AFG3L2: variants seen among roughly 807,000 people sequenced by gnomAD.
AFG3L2 encodes the protein AFG3 like matrix AAA peptidase subunit 2.
Under a neutral mutation model 94.5 loss-of-function variants are expected in AFG3L2, and 54 were observed. The ratio of observed to expected loss-of-function variants is 0.57; its 90% confidence interval spans 0.46 to 0.72. The LOEUF is 0.72. Among genes scored for constraint, AFG3L2 ranks in the 30% least tolerant of loss-of-function variants. The probability of loss-of-function intolerance (pLI) is 0.00; values close to 1 mark genes in which losing one functional copy is unlikely to be tolerated. For synonymous variants in AFG3L2, 377 were observed against 365.5 expected (o/e 1.03, Z -0.36); for missense variants, 754 against 994.9 (o/e 0.76, Z 3.26).
chr18:12,363,801 C>G lies in AFG3L2; in HGVS notation c.608G>C (p.Gly203Ala). 1 of 1,612,812 alleles carries G rather than the reference C, an allele frequency of 6.2e-7. No individual in the cohort carries two copies. Among genetic ancestry groups the G allele is most frequent in the Non-Finnish European group, 8.5e-7 (1 of 1,179,596 alleles). Residue 203 changes from glycine to alanine, a missense_variant, in exon 6 of 17, where the codon GGA becomes GCA. Around this residue, in one of 4 missense-constraint regions of AFG3L2, gnomAD observed 130 missense variants for 175.1 expected, o/e 0.74. Transcript: ENST00000269143. ...KRFVRVTFTP[G>A]KTPVDGQYVW... ...ATTTACCCCATCAACAGGAGTTTTT[C>G]CTGGTGTAAAGGTCACTCGAACAAA...
At chr18:12,370,076 A>T (rs981497397) in intron 3 of AFG3L2, among the ~76,000 whole-genome samples, 58 of 151,178 alleles carry the variant, frequency 3.8e-4, no homozygotes, top group Non-Finnish European at 6.8e-4. Flanking sequence ...AAAAAAAAAA[A>T]AAGCAAGGAA....
At chr18:12,344,390 C>G (rs1908056867) in intron 13 of AFG3L2, 143 bp from the exon 14 acceptor site, 3 of 712,594 alleles carry the variant, frequency 4.2e-6, no homozygotes, top group South Asian at 1.5e-5. Flanking sequence ...AATTCCTAAT[C>G]AAGGCCAGGC....
intron 16 of AFG3L2, among the ~76,000 whole-genome samples, chr18:12,334,549 C>A (rs997445803): frequency 6.6e-6 from 1 of 152,134 alleles, no homozygotes; most frequent in Non-Finnish European, 1.5e-5. Context: ...GAGACCAAAC[C>A]GTTTATCACT....
chr18:12,342,857 C>A (rs898406425), intron 14 of AFG3L2: 2 of 152,216 alleles, frequency 1.3e-5, no homozygotes, highest in Admixed American at 6.5e-5. Context: ...TTCCACCCCA[C>A]TGGCCTGCGT....
chr18:12,370,767 C>CT, intron 3 of AFG3L2, 82 bp downstream of exon 3: 1 of 990,750 alleles, frequency 1.0e-6, no homozygotes, highest in Non-Finnish European at 1.6e-6. Flanking sequence ...CCTGATAACT[C>CT]TTTTCTTTGT....
chr18:12,355,671 A>C (rs191468694), intron 9 of AFG3L2, among the ~76,000 whole-genome samples: 3 of 147,578 alleles, frequency 2.0e-5, no homozygotes, highest in Non-Finnish European at 4.5e-5. Flanking sequence ...CCCGATTTAC[A>C]TATTTTTTTT....
rs548178793 is a variant in AFG3L2 at position 12,355,527 on chromosome 18, T to C, written c.1164+1167A>G. Among the ~76,000 whole-genome samples the C allele has an allele frequency of 1.6e-3, 244 of 152,306 alleles. 2 individuals are homozygous for C. The highest frequency in any genetic ancestry group is 8.5e-3 in the South Asian group (41 of 4,824). On this transcript the variant is annotated intron_variant, in intron 9 of 16. Coordinates refer to ENST00000269143, the MANE Select transcript of AFG3L2 (RefSeq NM_006796.3). Reference sequence around the variant, plus strand: ...AAAACAGTCTGGTGGTTCCTTAAAATGTTAAACATGGAGTTACCATTCAAA... The same window carrying C: ...AAAACAGTCTGGTGGTTCCTTAAAACGTTAAACATGGAGTTACCATTCAAA...
chr18:12,330,463 G>GT (rs1365981248), intron 16 of AFG3L2, among the ~76,000 whole-genome samples: 1 of 152,056 alleles, frequency 6.6e-6, no homozygotes, highest in Non-Finnish European at 1.5e-5. Context: ...TGATAAGAAT[G>GT]TATCTTTTTA....
intron 1 of AFG3L2, among the ~76,000 whole-genome samples, chr18:12,372,088 G>A (rs1294425116): frequency 6.6e-6 from 1 of 152,092 alleles, no homozygotes; most frequent in Non-Finnish European, 1.5e-5. Context: ...GGTGCATCAC[G>A]AGGTCAGGAG....
At chr18:12,335,636 C>A (rs1907718866) in intron 16 of AFG3L2, among the ~76,000 whole-genome samples, 1 of 152,214 alleles carries the variant, frequency 6.6e-6, no homozygotes, top group Non-Finnish European at 1.5e-5. Flanking sequence ...TCTACAGGGT[C>A]CACCACCTGC....
intron 13 of AFG3L2, 29 bp from the exon 14 acceptor site, chr18:12,344,276 G>A: frequency 6.4e-7 from 1 of 1,571,166 alleles, no homozygotes; most frequent in Non-Finnish European, 8.8e-7. Context: ...AAAAACCCAA[G>A]CCATTGTTAC....
chr18:12,370,982 G>A lies in AFG3L2; in HGVS notation c.215-56C>T, dbSNP rs191943275. On this transcript the variant is annotated intron_variant, in intron 2 of 16. Coordinates refer to ENST00000269143, the MANE Select transcript of AFG3L2 (RefSeq NM_006796.3). ...TCAAACTAAAATTCATCAGGTTTGT[G>A]TTCATTTTGTTTTCAAAGCAGCTGA... 34 of 1,148,696 alleles carry A rather than the reference G, an allele frequency of 3.0e-5. No homozygotes were observed. In the East Asian group the frequency reaches 8.6e-4, roughly 29 times the overall value. The allele number at this position is 1,148,696 out of a possible 1,614,324, so 71.2% of individuals were successfully genotyped here.
rs1424912905 is a variant in AFG3L2, at chr18:12,340,210, T to C, written c.1971A>G (p.Ala657=). Reference sequence around the variant, plus strand: ...TCTTTCATATACTCACTTGGGCATATGCACTCTGAGTTACTTTTCTCAAGT... The same window carrying C: ...TCTTTCATATACTCACTTGGGCATACGCACTCTGAGTTACTTTTCTCAAGT... ...QDDLRKVTQS[A]YAQIVQFGMN... is the part of the protein sequence containing the mutation. Residue 657 remains alanine (A), a synonymous_variant, in exon 15 of 17, where the codon GCA becomes GCG. Coordinates refer to ENST00000269143, the MANE Select transcript of AFG3L2 (RefSeq NM_006796.3). 2 of 1,613,720 alleles carry C rather than the reference T, an allele frequency of 1.2e-6. No homozygotes were observed. The highest frequency in any genetic ancestry group is 8.5e-7 in the Non-Finnish European group (1 of 1,179,700).
intron 16 of AFG3L2, among the ~76,000 whole-genome samples, chr18:12,330,532 C>T (rs1488886731): frequency 2.6e-5 from 4 of 152,126 alleles, no homozygotes; most frequent in Non-Finnish European, 5.9e-5. Flanking sequence ...AATCCCAGCA[C>T]TTTGGGAGGC....
chr18:12,360,220 C>G, intron 6 of AFG3L2, 169 bp from the exon 7 acceptor site: 5 of 667,944 alleles, frequency 7.5e-6, no homozygotes, highest in Non-Finnish European at 1.2e-5. Flanking sequence ...TTAAATGTCA[C>G]TCATTGAGAA....
chr18:12,363,153 G>C (rs200461338), intron 6 of AFG3L2, among the ~76,000 whole-genome samples: 150 of 152,288 alleles, frequency 9.8e-4, no homozygotes, highest in East Asian at 3.7e-3. Flanking sequence ...GTCCAGGCGG[G>C]ATGGCTAGAA....
At chr18:12,335,231 TC>T (rs1907702905) in intron 16 of AFG3L2, among the ~76,000 whole-genome samples, 1 of 152,196 alleles carries the variant, frequency 6.6e-6, no homozygotes, top group South Asian at 2.1e-4. Flanking sequence ...AGACCAGAAA[TC>T]ATCCCTCTGC....
intron 14 of AFG3L2, chr18:12,342,212 ATATCCT>A (rs1192681242): frequency 6.6e-6 from 1 of 152,194 alleles, no homozygotes; most frequent in Non-Finnish European, 1.5e-5. Flanking sequence ...CAACTGCTCC[ATATCCT>A]TATCAACAAT....
intron 5 of AFG3L2, among the ~76,000 whole-genome samples, chr18:12,366,601 T>C (rs1306981311): frequency 2.3e-4 from 35 of 151,956 alleles, no homozygotes; most frequent in Admixed American, 2.3e-3. Flanking sequence ...GGGCAGACGC[T>C]GGCACATGAT....
Sources: gnomAD v4.1 joint callset for allele counts (sites outside exome capture counted in the v4.1 genomes callset) on GRCh38, gnomAD v4.1.1 for gene constraint, gnomAD v4.1.1 regional missense constraint, MANE v1.5 for transcripts, NCBI Gene and HGNC (gene_info 2026-07-23, HGNC 2026-07-21) for gene names.